Variants in TMEM117 observed in about 807,000 individuals in gnomAD.
TMEM117 encodes the protein transmembrane protein 117.
TMEM117 carries 27 observed loss-of-function variants against 52.4 expected under a neutral mutation model. The ratio of observed to expected loss-of-function variants is 0.51; its 90% CI spans 0.38 to 0.71. TMEM117 has a LOEUF of 0.71. Among genes scored for constraint, TMEM117 ranks in the 30% least tolerant of loss-of-function variants. The pLI is 0.00. For synonymous variants in TMEM117, 215 were observed against 206.3 expected, an observed-to-expected ratio of 1.04 and a Z score of -0.36; for missense variants, 556 against 630.5, an observed-to-expected ratio of 0.88 and a Z score of 1.26.
chr12:44,028,138 A>G (rs1592453755), intron 3 of TMEM117, among the ~76,000 whole-genome samples: 1 of 152,296 alleles, frequency 6.6e-6, no homozygotes, highest in East Asian at 1.9e-4. Context: ...GTGTGCAGTG[A>G]GCCGAGATCG....
At chr12:44,050,241 A>G (rs573717608) in intron 3 of TMEM117, among the ~76,000 whole-genome samples, 10 of 152,314 alleles carry the variant, frequency 6.6e-5, no homozygotes, top group East Asian at 1.9e-4. Flanking sequence ...CAGTGGCACA[A>G]TCTTGGCTCA....
chr12:43,810,810 T>C, the TMEM117 span, among the ~76,000 whole-genome samples: 4 of 152,188 alleles, frequency 2.6e-5, no homozygotes, highest in African/African-American at 9.6e-5. Context: ...CGCTGCTCCA[T>C]AACAAATACT....
chr12:44,027,132 A>ATTTTATTTTATTTTATTT (rs1168252252), intron 3 of TMEM117, among the ~76,000 whole-genome samples: 14 of 104,076 alleles, frequency 1.3e-4, no homozygotes, highest in African/African-American at 6.1e-4. Flanking sequence ...ATTTTATTTT[A>ATTTTATTTTATTTTATTT]TATTTTATTT....
intron 6 of TMEM117, among the ~76,000 whole-genome samples, chr12:44,340,902 A>G (rs2138750544): frequency 6.6e-6 from 1 of 152,212 alleles, no homozygotes; most frequent in Admixed American, 6.5e-5. Context: ...CACCTGAATA[A>G]TGTACATTGC....
At chr12:44,057,266 A>G (rs1055894618) in intron 3 of TMEM117, among the ~76,000 whole-genome samples, 2 of 152,114 alleles carry the variant, frequency 1.3e-5, no homozygotes, top group Non-Finnish European at 2.9e-5. Flanking sequence ...ATCACCTACT[A>G]TGTGTCAGTC....
chr12:44,320,488 G>A (rs1951116094), intron 6 of TMEM117, among the ~76,000 whole-genome samples: 1 of 152,004 alleles, frequency 6.6e-6, no homozygotes, highest in African/African-American at 2.4e-5. Context: ...CTCATGCCTA[G>A]CTTCTGACCT....
At chr12:43,940,211 G>A (rs10467196) in intron 2 of TMEM117, among the ~76,000 whole-genome samples, 1,674 of 152,156 alleles carry the variant, frequency 0.011, 31 homozygotes, top group African/African-American at 0.038. Flanking sequence ...AGAAGCCCTC[G>A]GTCTATCTGA....
In TMEM117 at chr12:43,958,892, C is replaced by T. The variant is rs548246749; in HGVS notation, c.410+14550C>T. Among the ~76,000 whole-genome samples, 31 of 152,060 alleles carry T rather than the reference C, an allele frequency of 2.0e-4. No homozygotes were observed. The East Asian group carries it at 5.8e-3, about 28-fold the overall frequency. ...CGGGATCTCGGCTCACTGCAAGCTC[C>T]GCCTCCCGGGTTCACGCCATTCTCC... On this transcript the variant is annotated intron_variant, in intron 3 of 7. Coordinates refer to ENST00000266534, the MANE Select transcript of TMEM117 (RefSeq NM_032256.3).
At chr12:43,968,381 C>T (rs923029887) in intron 3 of TMEM117, among the ~76,000 whole-genome samples, 1 of 152,196 alleles carries the variant, frequency 6.6e-6, no homozygotes, top group Admixed American at 6.5e-5. Flanking sequence ...TACTAGCCTC[C>T]AAGGAGAATA....
intron 2 of TMEM117, among the ~76,000 whole-genome samples, chr12:43,890,634 G>A (rs1009390920): frequency 1.4e-4 from 22 of 151,972 alleles, no homozygotes; most frequent in African/African-American, 5.1e-4. Context: ...TGGGTTCAAG[G>A]GATTCTCCTG....
chr12:44,337,534 G>A (rs2053162210), intron 6 of TMEM117, among the ~76,000 whole-genome samples: 1 of 151,956 alleles, frequency 6.6e-6, no homozygotes, highest in Non-Finnish European at 1.5e-5. Context: ...AGATGAACAG[G>A]TGATCCTGCT....
intron 6 of TMEM117, among the ~76,000 whole-genome samples, chr12:44,312,692 G>A (rs1480343836): frequency 6.6e-6 from 1 of 152,148 alleles, no homozygotes; most frequent in Non-Finnish European, 1.5e-5. Flanking sequence ...TCTCCAAATT[G>A]CTTTCCAAAG....
rs151053006 is a variant in TMEM117, at chr12:43,963,110, G to A, written c.410+18768G>A. The stretch of plus-strand genomic sequence containing the variant: ...GTATTGCCTCAGATTTCAATGTTGC[G>A]TCAATATTTGATTGCTTAAATATGG... On this transcript the variant is annotated intron_variant, in intron 3 of 7. Transcript: ENST00000266534. Among the ~76,000 whole-genome samples, 654 of 151,352 alleles carry A rather than the reference G, an allele frequency of 4.3e-3. 4 individuals carry two copies. The highest frequency in any genetic ancestry group is 0.014 in the African/African-American group (587 of 41,338).
chr12:43,972,047 C>T (rs1245948202), intron 3 of TMEM117, among the ~76,000 whole-genome samples: 2 of 152,094 alleles, frequency 1.3e-5, no homozygotes, highest in Non-Finnish European at 2.9e-5. Flanking sequence ...CAGGGTGGAG[C>T]CCTTGGAGGA....
At chr12:44,124,369 CTCTT>C (rs1948287839) in intron 3 of TMEM117, among the ~76,000 whole-genome samples, 1 of 152,222 alleles carries the variant, frequency 6.6e-6, no homozygotes, top group African/African-American at 2.4e-5. Context: ...TTGACTTCCT[CTCTT>C]TCTATTTGAA....
intron 3 of TMEM117, among the ~76,000 whole-genome samples, chr12:43,950,622 G>A (rs1049036415): frequency 6.6e-6 from 1 of 152,046 alleles, no homozygotes; most frequent in Non-Finnish European, 1.5e-5. Context: ...CCAGGGAAAG[G>A]CAGTCTCCCA....
chr12:43,858,615 A>G (rs1054263431), intron 2 of TMEM117, among the ~76,000 whole-genome samples: 2 of 152,102 alleles, frequency 1.3e-5, no homozygotes, highest in African/African-American at 4.8e-5. Context: ...AGAGGAGTGA[A>G]ATCTAGATAT....
intron 3 of TMEM117, among the ~76,000 whole-genome samples, chr12:43,965,436 A>G (rs985715603): frequency 1.3e-5 from 2 of 152,118 alleles, no homozygotes; most frequent in Admixed American, 6.5e-5. Context: ...ACCTGTGCAA[A>G]TTGGCTTGGA....
intron 2 of TMEM117, among the ~76,000 whole-genome samples, chr12:43,922,654 T>G (rs1944714252): frequency 6.6e-6 from 1 of 152,160 alleles, no homozygotes; most frequent in African/African-American, 2.4e-5. Flanking sequence ...CTTGATTAAG[T>G]TATTTGAATC....
Sources: allele counts gnomAD v4.1 joint callset (sites outside exome capture counted in the v4.1 genomes callset), GRCh38; gene constraint gnomAD v4.1.1; transcripts MANE v1.5; gene names NCBI Gene and HGNC (gene_info 2026-07-23, HGNC 2026-07-21).